PAMR1: variants seen among roughly 807,000 people sequenced by gnomAD.
PAMR1 encodes peptidase domain containing associated with muscle regeneration 1.
In PAMR1, 88 loss-of-function variants were observed where a neutral mutation model predicts 81.8. That is an observed-to-expected ratio of 1.08 (90% confidence interval 0.91 to 1.28). The LOEUF (loss-of-function observed/expected upper bound fraction) is 1.28. PAMR1 is among the 50% of genes most tolerant of loss of function. The probability of loss-of-function intolerance (pLI) is 0.00; values close to 1 mark genes in which losing one functional copy is unlikely to be tolerated. For missense variants in PAMR1, 935 were observed against 919.7 expected (o/e 1.02, Z -0.21); for synonymous variants, 336 against 345.3 (o/e 0.97, Z 0.30).
Position 35,435,570 on chromosome 11 carries a change from T to C in PAMR1, c.1333+333A>G, listed in dbSNP as rs150520474. 4.3e-3 allele frequency among the ~76,000 whole-genome samples: 648 copies of C among 152,180 alleles called. 7 individuals are homozygous for C. The highest frequency in any genetic ancestry group is 0.015 in the African/African-American group (635 of 41,510). On this transcript the variant is annotated intron_variant, in intron 9 of 10. Coordinates refer to ENST00000619888, the MANE Select transcript of PAMR1 (RefSeq NM_001001991.3). Reference sequence around the variant, plus strand: ...TATCACTGGGTGATGAGTGTAAAAATTGGGGCTTAAACAGGGTAGCCAAGA... The same window carrying C: ...TATCACTGGGTGATGAGTGTAAAAACTGGGGCTTAAACAGGGTAGCCAAGA...
intron 1 of PAMR1, among the ~76,000 whole-genome samples, chr11:35,515,340 G>A (rs1328841760): frequency 6.6e-6 from 1 of 152,166 alleles, no homozygotes; most frequent in Non-Finnish European, 1.5e-5. Flanking sequence ...GTCCACCAAA[G>A]GCAGCTGGCC....
chr11:35,516,839 G>A (rs1027299251), intron 1 of PAMR1, among the ~76,000 whole-genome samples: 5 of 152,174 alleles, frequency 3.3e-5, no homozygotes, highest in African/African-American at 9.7e-5. Flanking sequence ...CAAATGTTTG[G>A]TAGTCGATGA....
At chr11:35,483,651 T>C (rs1850442819) in intron 3 of PAMR1, among the ~76,000 whole-genome samples, 1 of 152,086 alleles carries the variant, frequency 6.6e-6, no homozygotes, top group Admixed American at 6.6e-5. Flanking sequence ...AATTCACCCC[T>C]CTGGAGTTTA....
At chr11:35,508,998 C>T (rs1851028151) in intron 1 of PAMR1, among the ~76,000 whole-genome samples, 2 of 152,086 alleles carry the variant, frequency 1.3e-5, no homozygotes, top group African/African-American at 4.8e-5. Flanking sequence ...GAATAGTGCC[C>T]TCTATTAAAA....
chr11:35,433,326 C>T (rs552915847), intron 10 of PAMR1, among the ~76,000 whole-genome samples: 2 of 152,340 alleles, frequency 1.3e-5, no homozygotes, highest in African/African-American at 4.8e-5. Context: ...CACAAACCCT[C>T]ACAGGCTAAG....
intron 6 of PAMR1, among the ~76,000 whole-genome samples, chr11:35,450,330 C>T (rs1053576493): frequency 2.0e-5 from 3 of 152,122 alleles, no homozygotes; most frequent in Non-Finnish European, 4.4e-5. Flanking sequence ...TGCCTTTGGA[C>T]TATGTAATAT....
chr11:35,456,116 G>C (rs1856525791), intron 6 of PAMR1, among the ~76,000 whole-genome samples: 2 of 152,198 alleles, frequency 1.3e-5, no homozygotes, highest in African/African-American at 4.8e-5. Flanking sequence ...GAGAGCAAGA[G>C]TAGGGAGAAT....
chr11:35,524,935 T>C (rs1461588616), intron 1 of PAMR1, among the ~76,000 whole-genome samples: 1 of 152,218 alleles, frequency 6.6e-6, no homozygotes, highest in Non-Finnish European at 1.5e-5. Context: ...CTTTTTCTTC[T>C]TTCTCACTCT....
intron 10 of PAMR1, among the ~76,000 whole-genome samples, chr11:35,434,167 C>T (rs1348096375): frequency 6.6e-6 from 1 of 152,094 alleles, no homozygotes; most frequent in Admixed American, 6.6e-5. Context: ...CAAATAATTT[C>T]ACTAATTTTT....
At chr11:35,486,945 C>T (rs2135394745) in intron 3 of PAMR1, among the ~76,000 whole-genome samples, 1 of 152,264 alleles carries the variant, frequency 6.6e-6, no homozygotes, top group Non-Finnish European at 1.5e-5. Flanking sequence ...GGAACTTAGC[C>T]ATGTGACTTC....
At chr11:35,509,616 A>G (rs1851036959) in intron 1 of PAMR1, among the ~76,000 whole-genome samples, 1 of 152,248 alleles carries the variant, frequency 6.6e-6, no homozygotes. Flanking sequence ...TTTATTTTAA[A>G]TTAAAATTAT....
At chr11:35,498,741 C>T (rs1244301852) in intron 1 of PAMR1, among the ~76,000 whole-genome samples, 1 of 152,188 alleles carries the variant, frequency 6.6e-6, no homozygotes, top group East Asian at 1.9e-4. Context: ...TTCTCAAAAC[C>T]ACCAAGCTCT....
At chr11:35,492,204 G>A in intron 2 of PAMR1, 31 bp from the exon 3 acceptor site, 1 of 1,612,650 alleles carries the variant, frequency 6.2e-7, no homozygotes, top group Non-Finnish European at 8.5e-7. Flanking sequence ...GGAGTGTTAG[G>A]CCAAAGCACC....
At chr11:35,503,530 G>A (rs1850894425) in intron 1 of PAMR1, among the ~76,000 whole-genome samples, 1 of 151,870 alleles carries the variant, frequency 6.6e-6, no homozygotes, top group African/African-American at 2.4e-5. Flanking sequence ...TCCATTTTTT[G>A]TGACCTCTTT....
intron 6 of PAMR1, among the ~76,000 whole-genome samples, chr11:35,460,721 T>A (rs7933497): frequency 0.28 from 42,740 of 152,106 alleles, 6,103 homozygotes; most frequent in Admixed American, 0.34. Flanking sequence ...ATCCAGTCTA[T>A]CATTGTTGGA....
chr11:35,525,138 T>C (rs1851361392), intron 1 of PAMR1, among the ~76,000 whole-genome samples: 1 of 152,178 alleles, frequency 6.6e-6, no homozygotes, highest in Admixed American at 6.5e-5. Context: ...GGGAGCCCTT[T>C]CCAAGAGAAA....
intron 6 of PAMR1, among the ~76,000 whole-genome samples, chr11:35,449,843 A>C (rs1462517177): frequency 1.3e-5 from 2 of 152,012 alleles, no homozygotes; most frequent in East Asian, 3.9e-4. Context: ...CTGGGGTGGG[A>C]GTTTGCCTTA....
At chr11:35,523,964 T>G (rs1173431017) in intron 1 of PAMR1, among the ~76,000 whole-genome samples, 2 of 152,056 alleles carry the variant, frequency 1.3e-5, no homozygotes, top group Admixed American at 6.5e-5. Context: ...CTTTTAAACT[T>G]TTATGGCTTT....
intron 6 of PAMR1, among the ~76,000 whole-genome samples, chr11:35,464,557 C>G (rs1370388234): frequency 6.6e-6 from 1 of 152,142 alleles, no homozygotes; most frequent in Non-Finnish European, 1.5e-5. Flanking sequence ...TTATCACAGC[C>G]AACACTGTTT....
Sources: gnomAD v4.1 joint callset for allele counts (sites outside exome capture counted in the v4.1 genomes callset) on GRCh38, gnomAD v4.1.1 for gene constraint, MANE v1.5 for transcripts, NCBI Gene and HGNC (gene_info 2026-07-23, HGNC 2026-07-21) for gene names.